The following OSBPL9 variants were observed in gnomAD, a reference collection of about 807,000 sequenced individuals.
OSBPL9 encodes oxysterol-binding protein-related protein 9.
In OSBPL9, 40 loss-of-function variants were observed where a neutral mutation model predicts 106.6. That is an observed-to-expected ratio of 0.38 (90% CI 0.29 to 0.49). The LOEUF (loss-of-function observed/expected upper bound fraction) is 0.49, where lower values mean the gene tolerates loss of function less well. Ranked by LOEUF, OSBPL9 falls within the 20% of genes least tolerant of loss-of-function variation. The probability of loss-of-function intolerance (pLI) is 0.97; values close to 1 mark genes in which losing one functional copy is unlikely to be tolerated. For synonymous variants in OSBPL9, 269 were observed against 295.4 expected, an observed-to-expected ratio of 0.91 and a Z score of 0.92; for missense variants, 609 against 887.2, an observed-to-expected ratio of 0.69 and a Z score of 3.98.
intron 3 of OSBPL9, among the ~76,000 whole-genome samples, chr1:51,704,785 C>T (rs1434644632): frequency 6.6e-6 from 1 of 152,156 alleles, no homozygotes; most frequent in Admixed American, 6.5e-5. Context: ...CCTCCTAATA[C>T]TATGACATTG....
chr1:51,524,675 A>G, the OSBPL9 span, among the ~76,000 whole-genome samples: 5 of 152,206 alleles, frequency 3.3e-5, no homozygotes, highest in Non-Finnish European at 7.3e-5. Context: ...TATTTAATCC[A>G]TTAGTAATAT....
At position 51,617,160 on chromosome 1, in the gene OSBPL9, A is replaced by C; in HGVS notation, c.50A>C (p.Lys17Thr). 6.2e-7 allele frequency: 1 copy of C among 1,613,778 alleles called. No individual in the cohort carries two copies. The highest frequency in any genetic ancestry group is 8.5e-7 in the Non-Finnish European group (1 of 1,179,894). The change falls in exon 1 of 24, where the codon AAG (lysine) becomes ACG (threonine). Residue 17 changes from lysine (K) to threonine (T), a missense_variant. Physicochemically the swap from Lys to Thr is moderately conservative, Grantham distance 78. Transcript: ENST00000428468. Reference protein sequence around the residue: ...GPLSKWTNVMKGWQYRWFVLD... With the variant: ...GPLSKWTNVMTGWQYRWFVLD... Reference sequence around the variant, plus strand: ...CTGAGCAAATGGACTAACGTGATGAAGGGCTGGCAGTACCGTTGGTTCGTG... The same window carrying C: ...CTGAGCAAATGGACTAACGTGATGACGGGCTGGCAGTACCGTTGGTTCGTG...
rs1183523942 is a variant in OSBPL9 at position 51,729,489 on chromosome 1, C to T, written c.318+15410C>T. The T allele has an allele frequency of 3.9e-5, 6 of 152,798 alleles. No individual in the cohort carries two copies. The highest frequency in any genetic ancestry group is 3.3e-4 in the Admixed American group (5 of 15,302). The allele number at this position is 152,798 out of a possible 1,614,324, so 9.5% of individuals were successfully genotyped here. The stretch of plus-strand genomic sequence containing the variant: ...CGTCCCAGAGCGCAACCTCCCTTTC[C>T]CCCAGCAGCGCCGGCGCCGCAGAAG... On this transcript the variant is annotated intron_variant, in intron 4 of 23. Transcript: ENST00000428468. This position sits in a 1 kb window ranked among gnomAD's most constrained non-coding sequence, Gnocchi z 5.1.
chr1:51,708,546 A>T (rs931518700), intron 3 of OSBPL9, among the ~76,000 whole-genome samples: 2 of 152,162 alleles, frequency 1.3e-5, no homozygotes, highest in African/African-American at 2.4e-5. Context: ...AATGCAAGTG[A>T]TGTAACGTGT....
the OSBPL9 span, among the ~76,000 whole-genome samples, chr1:51,552,901 T>G: frequency 6.6e-6 from 1 of 151,954 alleles, no homozygotes; most frequent in Non-Finnish European, 1.5e-5. Context: ...GGGATTATAG[T>G]CGTGGGCCAC....
At chr1:51,622,549 T>C (rs1029106268) in intron 1 of OSBPL9, among the ~76,000 whole-genome samples, 2 of 152,210 alleles carry the variant, frequency 1.3e-5, no homozygotes, top group African/African-American at 4.8e-5. Context: ...TATTAGCCAG[T>C]GCTGCAGTCA....
intron 1 of OSBPL9, among the ~76,000 whole-genome samples, chr1:51,629,824 CTGTAG>C (rs1056786636): frequency 6.6e-6 from 1 of 151,944 alleles, no homozygotes; most frequent in Non-Finnish European, 1.5e-5. Flanking sequence ...TGGTGTGCGC[CTGTAG>C]TCCCAGCTAC....
chr1:51,575,586 G>A (rs1268477406), upstream of OSBPL9, among the ~76,000 whole-genome samples: 3 of 152,022 alleles, frequency 2.0e-5, no homozygotes, highest in Non-Finnish European at 4.4e-5. Context: ...AGACCACCCT[G>A]AGCTGGCTCT....
At chr1:51,616,133 C>T (rs1644052407), upstream of OSBPL9, among the ~76,000 whole-genome samples, 1 of 150,326 alleles carries the variant, frequency 6.7e-6, no homozygotes, top group South Asian at 2.1e-4. Flanking sequence ...CTACAGGGTG[C>T]GCCACCACGC....
At chr1:51,779,791 T>C (rs1410347333) in intron 15 of OSBPL9, among the ~76,000 whole-genome samples, 2 of 152,036 alleles carry the variant, frequency 1.3e-5, no homozygotes, top group Non-Finnish European at 2.9e-5. Context: ...ATAAAATAAA[T>C]GGTTGGCCGG....
chr1:51,678,583 C>T (rs1245821944), intron 3 of OSBPL9, among the ~76,000 whole-genome samples: 6 of 151,930 alleles, frequency 3.9e-5, no homozygotes, highest in Admixed American at 3.9e-4. Context: ...ATCGTTTGAA[C>T]CTGGGAGGCA....
At chr1:51,658,114 A>G (rs926114734) in intron 2 of OSBPL9, among the ~76,000 whole-genome samples, 3 of 151,698 alleles carry the variant, frequency 2.0e-5, no homozygotes, top group African/African-American at 7.3e-5. Context: ...TCTCAAAGAA[A>G]AAAAAAAAAA....
intron 2 of OSBPL9, among the ~76,000 whole-genome samples, chr1:51,658,405 A>G (rs1036468407): frequency 3.3e-5 from 5 of 152,290 alleles, no homozygotes; most frequent in Non-Finnish European, 5.9e-5. Flanking sequence ...ATTAATACAG[A>G]TGAATCTCAG....
rs200753169 is a variant in OSBPL9 at position 51,717,096 on chromosome 1, G to A, written c.318+3017G>A. On this transcript the variant is annotated intron_variant, in intron 4 of 23. Transcript: ENST00000428468. ...TCCTCCCACCTCAACCTCCTGAGTAGCTGGGACTACAGGCATGCACCACCA... is the reference window on the plus strand; with the variant it reads ...TCCTCCCACCTCAACCTCCTGAGTAACTGGGACTACAGGCATGCACCACCA... Among the ~76,000 whole-genome samples the A allele has an allele frequency of 2.0e-5, 3 of 151,970 alleles. No individual in the cohort carries two copies. In the East Asian group the frequency reaches 5.8e-4, roughly 29 times the overall value.
intron 4 of OSBPL9, among the ~76,000 whole-genome samples, chr1:51,742,138 G>A (rs1290298819): frequency 6.6e-6 from 1 of 152,198 alleles, no homozygotes; most frequent in African/African-American, 2.4e-5. Context: ...CACTGAGCTG[G>A]CCCTGATGGG....
At chr1:51,599,218 CAAAA>C (rs779036521) in intron 2 of OSBPL9, among the ~76,000 whole-genome samples, 9 of 152,068 alleles carry the variant, frequency 5.9e-5, no homozygotes, top group Non-Finnish European at 1.0e-4. Flanking sequence ...ATCTCTAAAA[CAAAA>C]AACAAAACAC....
chr1:51,586,873 C>T (rs1032012972), intron 1 of OSBPL9, among the ~76,000 whole-genome samples: 1 of 152,164 alleles, frequency 6.6e-6, no homozygotes, highest in Non-Finnish European at 1.5e-5. Flanking sequence ...TGATCAGTCA[C>T]CACTCCAAGT....
At chr1:51,782,315 T>C (rs370512844) in intron 16 of OSBPL9, among the ~76,000 whole-genome samples, 1 of 152,234 alleles carries the variant, frequency 6.6e-6, no homozygotes, top group Non-Finnish European at 1.5e-5. Context: ...TTGGCAGACA[T>C]TGATAAGTGC....
In OSBPL9 at chr1:51,617,132, C is replaced by G; in HGVS notation, c.22C>G (p.Pro8Ala). Reference protein sequence around the residue: MASIMEGPLSKWTNVMKG... With the variant: MASIMEGALSKWTNVMKG... Reference sequence around the variant, plus strand: ...CAAGATGGCGTCCATCATGGAAGGGCCGCTGAGCAAATGGACTAACGTGAT... The same window carrying G: ...CAAGATGGCGTCCATCATGGAAGGGGCGCTGAGCAAATGGACTAACGTGAT... The change falls in exon 1 of 24, where the codon CCG becomes GCG. Residue 8 changes from proline to alanine, a missense_variant. By Grantham distance (27) the Pro-to-Ala change is conservative (BLOSUM62 -1). Transcript: ENST00000428468. 1 of 1,612,144 alleles carries G rather than the reference C, an allele frequency of 6.2e-7. No homozygotes were observed. Among genetic ancestry groups the G allele is most frequent in the Non-Finnish European group, 8.5e-7 (1 of 1,179,204 alleles).
Sources: gnomAD v4.1 joint callset for allele counts (sites outside exome capture counted in the v4.1 genomes callset) on GRCh38, gnomAD v4.1.1 for gene constraint, Gnocchi (gnomAD v3.1) non-coding constraint, MANE v1.5 for transcripts, NCBI Gene and HGNC (gene_info 2026-07-23, HGNC 2026-07-21) for gene names.